The following CCDC171 variants were observed in gnomAD, a reference collection of about 807,000 sequenced individuals.
The protein encoded by CCDC171 is coiled-coil domain containing 171.
Under a neutral mutation model 168.2 loss-of-function variants are expected in CCDC171, and 177 were observed. The observed-to-expected ratio is 1.05, with a 90% CI of 0.93 to 1.19. The LOEUF (loss-of-function observed/expected upper bound fraction) is 1.19. CCDC171 is among the 50% of genes most tolerant of loss of function. The pLI is 0.00. For missense variants in CCDC171, 1,991 were observed against 1,539.0 expected (o/e 1.29, Z -4.91); for synonymous variants, 687 against 540.8 (o/e 1.27, Z -3.75).
At chr9:15,683,139 T>C (rs2050149175) in intron 10 of CCDC171, among the ~76,000 whole-genome samples, 4 of 152,054 alleles carry the variant, frequency 2.6e-5, no homozygotes, top group African/African-American at 9.7e-5. Flanking sequence ...GGAGAGACTT[T>C]ATATTGAAAA....
chr9:15,914,409 G>C (rs922837796), intron 24 of CCDC171, among the ~76,000 whole-genome samples: 3 of 152,182 alleles, frequency 2.0e-5, no homozygotes, highest in East Asian at 3.9e-4. Flanking sequence ...AGTGGGCTCT[G>C]TCCAGTCAGA....
Position 16,000,989 on chromosome 9 carries a change from A to G in CCDC171, n.369-19600A>G, listed in dbSNP as rs143240283. Among the ~76,000 whole-genome samples the G allele has an allele frequency of 2.6e-4, 40 of 152,274 alleles. No individual in the cohort carries two copies. The East Asian group carries it at 7.4e-3, about 28-fold the overall frequency. The stretch of plus-strand genomic sequence containing the variant: ...GTCCTTAGTTTTGCACAGTCTGAAG[A>G]TGATGATTGGCTCATTCAGAAATGA... On this transcript the variant is annotated intron_variant and non_coding_transcript_variant, in intron 3 of 9. Transcript: ENST00000486641.
At chr9:15,588,700 C>CTTT (rs71323963) in intron 4 of CCDC171, 187 of 124,138 alleles carry the variant, frequency 1.5e-3, no homozygotes, top group Non-Finnish European at 1.7e-3. Flanking sequence ...AAGATGCAGA[C>CTTT]TTTTTTTTTT....
chr9:15,810,170 A>C (rs1489435491), intron 21 of CCDC171, among the ~76,000 whole-genome samples: 1 of 152,032 alleles, frequency 6.6e-6, no homozygotes, highest in Non-Finnish European at 1.5e-5. Context: ...AGCTAGACAC[A>C]AAGTTCTCCA....
chr9:15,974,296 A>G (rs935373304), downstream of CCDC171, among the ~76,000 whole-genome samples: 1 of 152,276 alleles, frequency 6.6e-6, no homozygotes, highest in Non-Finnish European at 1.5e-5. Flanking sequence ...GACATATCCT[A>G]TGGAGATCTG....
chr9:15,630,683 A>C (rs914840520), intron 7 of CCDC171, among the ~76,000 whole-genome samples: 5 of 152,192 alleles, frequency 3.3e-5, no homozygotes, highest in African/African-American at 1.2e-4. Context: ...GACCTAATAG[A>C]CATCTACAGA....
chr9:15,978,492 T>C (rs187980165), downstream of CCDC171, among the ~76,000 whole-genome samples: 4 of 152,280 alleles, frequency 2.6e-5, no homozygotes, highest in East Asian at 7.7e-4. Flanking sequence ...TTTTGCTCTC[T>C]TTAATCTGTG....
rs562855474 is a variant in CCDC171 at position 15,909,486 on chromosome 9, C to G, written c.3601-10784C>G. Among the ~76,000 whole-genome samples, 45 of 152,138 alleles carry G rather than the reference C, an allele frequency of 3.0e-4. No individual in the cohort carries two copies. The South Asian group carries it at 5.0e-3, about 17-fold the overall frequency. ...GGCAGTCTGACATCCTGATATAGTC[C>G]TTCTTACACAACTTTTTACTGGAAT... On this transcript the variant is annotated intron_variant, in intron 24 of 25. Coordinates refer to ENST00000380701, the MANE Select transcript of CCDC171 (RefSeq NM_173550.4).
chr9:15,669,311 T>C (rs963336249), intron 9 of CCDC171, among the ~76,000 whole-genome samples: 2 of 152,316 alleles, frequency 1.3e-5, no homozygotes, highest in East Asian at 3.9e-4. Context: ...ATCTTTTGTT[T>C]TCTTTTTAAA....
At chr9:15,840,064 A>T (rs980817815) in intron 21 of CCDC171, among the ~76,000 whole-genome samples, 1 of 152,130 alleles carries the variant, frequency 6.6e-6, no homozygotes, top group Non-Finnish European at 1.5e-5. Context: ...ACGTTAAATA[A>T]TGGCCATTTA....
At chr9:15,996,417 C>CTT (rs34798326) in intron 3 of CCDC171, among the ~76,000 whole-genome samples, 1,377 of 64,292 alleles carry the variant, frequency 0.021, no homozygotes, top group Non-Finnish European at 0.025. Flanking sequence ...CTAGGAGGCT[C>CTT]TTTTTTTTTT....
chr9:15,654,450 A>G (rs1030703181), intron 7 of CCDC171, among the ~76,000 whole-genome samples: 3 of 152,202 alleles, frequency 2.0e-5, no homozygotes, highest in Admixed American at 1.3e-4. Flanking sequence ...GCTCTGCACT[A>G]TGATAGTCAT....
the CCDC171 span, among the ~76,000 whole-genome samples, chr9:16,088,005 G>A: frequency 0.47 from 71,002 of 151,562 alleles, 18,671 homozygotes; most frequent in African/African-American, 0.73. Context: ...CCAGCAGCCC[G>A]TTAAAAAGCT....
intron 16 of CCDC171, among the ~76,000 whole-genome samples, chr9:15,730,476 A>C (rs1024488573): frequency 6.6e-6 from 1 of 151,864 alleles, no homozygotes; most frequent in Non-Finnish European, 1.5e-5. Context: ...CTTTTTTGGC[A>C]TTGAATTTAT....
At chr9:15,901,435 T>A (rs945587267) in intron 24 of CCDC171, among the ~76,000 whole-genome samples, 1 of 152,160 alleles carries the variant, frequency 6.6e-6, no homozygotes, top group Non-Finnish European at 1.5e-5. Context: ...GGTTTATGTG[T>A]ATAGGGGCAG....
chr9:15,595,605 A>G lies in CCDC171; in HGVS notation c.675+1433A>G, dbSNP rs188047734. Among the ~76,000 whole-genome samples the G allele has an allele frequency of 4.8e-3, 725 of 152,292 alleles. 7 individuals are homozygous for G. Among genetic ancestry groups the G allele is most frequent in the African/African-American group, 0.016 (668 of 41,554 alleles). Reference sequence around the variant, plus strand: ...GCTATTGTGAATAGTGCCTCAAGAAACATACATCTGCATGTGTCTTTATAG... The same window carrying G: ...GCTATTGTGAATAGTGCCTCAAGAAGCATACATCTGCATGTGTCTTTATAG... On this transcript the variant is annotated intron_variant, in intron 6 of 25. Transcript: ENST00000380701.
chr9:15,634,330 T>C (rs961087455), intron 7 of CCDC171, among the ~76,000 whole-genome samples: 5 of 152,290 alleles, frequency 3.3e-5, no homozygotes, highest in African/African-American at 1.2e-4. Context: ...GTCTTTTCTC[T>C]GTATTTCTTT....
At chr9:15,884,854 G>A (rs149426202) in intron 24 of CCDC171, among the ~76,000 whole-genome samples, 1 of 152,228 alleles carries the variant, frequency 6.6e-6, no homozygotes, top group African/African-American at 2.4e-5. Context: ...ACTATAAAAG[G>A]CCTAAGGTCA....
chr9:15,756,751 G>A (rs1270827384), intron 18 of CCDC171, among the ~76,000 whole-genome samples: 2 of 152,220 alleles, frequency 1.3e-5, no homozygotes, highest in Non-Finnish European at 2.9e-5. Flanking sequence ...GCATGTTGTG[G>A]GAGAGACCTG....
Sources: allele counts gnomAD v4.1 joint callset (sites outside exome capture counted in the v4.1 genomes callset), GRCh38; gene constraint gnomAD v4.1.1; transcripts MANE v1.5; gene names NCBI Gene and HGNC (gene_info 2026-07-23, HGNC 2026-07-21).